Variants in WASHC5 observed in about 807,000 individuals in gnomAD.
WASHC5 encodes WASH complex subunit strumpellin.
In WASHC5, 101 loss-of-function variants were observed where a neutral mutation model predicts 150.4. The observed-to-expected ratio is 0.67, with a 90% CI of 0.57 to 0.79. The LOEUF is 0.79. WASHC5 is among the 30% of genes least tolerant of loss of function. The pLI is 0.00. For missense variants in WASHC5, 1,195 were observed against 1,396.3 expected, an observed-to-expected ratio of 0.86 and a Z score of 2.30; for synonymous variants, 467 against 491.2, an observed-to-expected ratio of 0.95 and a Z score of 0.65.
intron 16 of WASHC5, among the ~76,000 whole-genome samples, 156 bp from the exon 17 acceptor site, chr8:125,055,827 A>G (rs1359321059): frequency 1.3e-5 from 2 of 152,222 alleles, no homozygotes; most frequent in African/African-American, 2.4e-5. Context: ...CCACTGTTAG[A>G]CATATTGGGT....
At chr8:125,050,967 C>G (rs1018637178) in intron 17 of WASHC5, among the ~76,000 whole-genome samples, 3 of 152,180 alleles carry the variant, frequency 2.0e-5, no homozygotes, top group African/African-American at 7.2e-5. Flanking sequence ...AATTAATGGC[C>G]CCTCTTTTTG....
chr8:125,043,045 A>G (rs1419595716), intron 23 of WASHC5, among the ~76,000 whole-genome samples: 1 of 152,206 alleles, frequency 6.6e-6, no homozygotes, highest in Non-Finnish European at 1.5e-5. Flanking sequence ...ATTTTTGACC[A>G]CAAACCAGTT....
In WASHC5 at chr8:125,026,021, TG is replaced by T. The variant is rs1247879101; in HGVS notation, c.3424-1349del. 2.0e-5 allele frequency among the ~76,000 whole-genome samples: 3 copies of T among 152,308 alleles called. No individual in the cohort carries two copies. The East Asian group carries it at 5.8e-4, about 29-fold the overall frequency. ...GGGATCAGGGTAAGTATATTACAAATGTTTTTTTAAAATAGATAAAGCTAAA... is the reference window on the plus strand; with the variant it reads ...GGGATCAGGGTAAGTATATTACAAATTTTTTTTAAAATAGATAAAGCTAAA... On this transcript the variant is annotated intron_variant, in intron 28 of 28. Coordinates refer to ENST00000318410, the MANE Select transcript of WASHC5 (RefSeq NM_014846.4).
intron 9 of WASHC5, among the ~76,000 whole-genome samples, chr8:125,068,205 G>A (rs1288054698): frequency 6.6e-6 from 1 of 152,182 alleles, no homozygotes; most frequent in Non-Finnish European, 1.5e-5. Context: ...TGAATTTCAC[G>A]AAGAGCTGCC....
At chr8:125,067,520 T>A in intron 10 of WASHC5, 72 bp downstream of exon 10, 1 of 1,292,446 alleles carries the variant, frequency 7.7e-7, no homozygotes, top group South Asian at 1.2e-5. Flanking sequence ...GCAATCCTAG[T>A]CTTTTTTTTA....
intron 23 of WASHC5, among the ~76,000 whole-genome samples, chr8:125,042,524 C>CA (rs1451329588): frequency 2.6e-5 from 4 of 152,168 alleles, no homozygotes; most frequent in Middle Eastern, 3.2e-3. Context: ...CGGTCACAGT[C>CA]ACGTGGCTGT....
In WASHC5 at chr8:125,037,296, A is replaced by G. The variant is rs1815741317; in HGVS notation, c.3122T>C (p.Ile1041Thr). 1 of 1,612,460 alleles carries G rather than the reference A, an allele frequency of 6.2e-7. No individual in the cohort carries two copies. The highest frequency in any genetic ancestry group is 8.5e-7 in the Non-Finnish European group (1 of 1,178,590). The change falls in exon 26 of 29, where the codon ATT becomes ACT. Residue 1041 changes from isoleucine (I) to threonine (T), a missense_variant. This residue lies in a region of WASHC5 where 997 missense variants were observed against 1,168.1 expected (regional missense o/e 0.85). Transcript: ENST00000318410. ...AGCGATCAAAAATAGAAAGTTTACA[A>G]TTGGAAAATAGGGTAAGCGCTTTGT... ...ITTKRLPYFP[I>T]VNFLFLIAQL...
chr8:125,065,049 C>T (rs1816706891), intron 10 of WASHC5, among the ~76,000 whole-genome samples: 1 of 152,174 alleles, frequency 6.6e-6, no homozygotes, highest in Non-Finnish European at 1.5e-5. Context: ...GACTACATGG[C>T]GTCAAGCCCT....
Position 125,055,608 on chromosome 8 carries a change from A to C in WASHC5, c.2080T>G (p.Leu694Val). 1 of 1,611,102 alleles carries C rather than the reference A, an allele frequency of 6.2e-7. No individual in the cohort carries two copies. Among genetic ancestry groups the C allele is most frequent in the South Asian group, 1.1e-5 (1 of 91,026 alleles). ...ACTGTTACCTTGATGATGCCAACCA[A>C]AGTCGTTTTCATCATTAAGATGCCT... ...TEGILMMKTT[L>V]VGIIKVDPKQ... Residue 694 changes from leucine (L) to valine (V), a missense_variant, in exon 17 of 29, where the codon TTG becomes GTG. Leu to Val is a conservative substitution (Grantham distance 32). This residue lies in a region of WASHC5 where 997 missense variants were observed against 1,168.1 expected (regional missense o/e 0.85). Coordinates refer to ENST00000318410, the MANE Select transcript of WASHC5 (RefSeq NM_014846.4).
At chr8:125,032,097 A>T in intron 27 of WASHC5, 144 bp downstream of exon 27, 2 of 910,996 alleles carry the variant, frequency 2.2e-6, no homozygotes, top group Non-Finnish European at 3.6e-6. Flanking sequence ...CTAAACAAGG[A>T]GGTATGCCCT....
At chr8:125,044,939 T>G (rs1816017457) in intron 20 of WASHC5, 1 of 528,362 alleles carries the variant, frequency 1.9e-6, no homozygotes, top group East Asian at 3.5e-5. Flanking sequence ...TTTCAGTCAT[T>G]TATTTCCATT....
At chr8:125,057,197 A>G (rs1040009361) in intron 15 of WASHC5, among the ~76,000 whole-genome samples, 3 of 152,234 alleles carry the variant, frequency 2.0e-5, no homozygotes, top group Non-Finnish European at 2.9e-5. Flanking sequence ...CAAAATTCCC[A>G]TGAAAACCTG....
At chr8:125,051,634 T>A (rs763620119) in intron 17 of WASHC5, among the ~76,000 whole-genome samples, 4 of 152,222 alleles carry the variant, frequency 2.6e-5, no homozygotes, top group Non-Finnish European at 5.9e-5. Context: ...ACGCCTGTAA[T>A]CCCAGCTCTT....
chr8:125,047,736 AT>A (rs996126128), intron 19 of WASHC5, among the ~76,000 whole-genome samples: 2 of 151,982 alleles, frequency 1.3e-5, no homozygotes, highest in African/African-American at 4.8e-5. Context: ...GGTCTGGCTA[AT>A]TTTTGTGTTT....
chr8:125,083,805 G>T lies in WASHC5; in HGVS notation c.94C>A (p.Leu32Ile). 1 of 1,613,684 alleles carries T rather than the reference G, an allele frequency of 6.2e-7. No homozygotes were observed. The highest frequency in any genetic ancestry group is 1.3e-5 in the African/African-American group (1 of 75,026). The change falls in exon 2 of 29, where the codon CTC (leucine) becomes ATC (isoleucine). Residue 32 changes from leucine to isoleucine, a missense_variant. Leu to Ile is a conservative substitution (Grantham distance 5). Coordinates refer to ENST00000318410, the MANE Select transcript of WASHC5 (RefSeq NM_014846.4). The part of the protein sequence containing the change: ...GNAIIAELLR[L>I]SEFIPAVFRL... ...AACACAGCAGGAATAAACTCAGAGA[G>T]TCTCAAAAGTTCAGCAATGATGGCA...
intron 27 of WASHC5, among the ~76,000 whole-genome samples, 186 bp from the exon 28 acceptor site, chr8:125,028,893 C>T (rs914693462): frequency 1.3e-5 from 2 of 152,214 alleles, no homozygotes; most frequent in African/African-American, 4.8e-5. Context: ...GAGCCCACCC[C>T]ATAGGGTAAA....
intron 17 of WASHC5, among the ~76,000 whole-genome samples, chr8:125,053,888 T>C (rs1816324070): frequency 6.6e-6 from 1 of 152,186 alleles, no homozygotes; most frequent in African/African-American, 2.4e-5. Context: ...AAGTGGATAA[T>C]ATCAAGTATT....
chr8:125,046,554 G>A (rs186153720), intron 20 of WASHC5, among the ~76,000 whole-genome samples: 21 of 152,222 alleles, frequency 1.4e-4, no homozygotes, highest in Non-Finnish European at 1.6e-4. Flanking sequence ...TTCTGGGTCC[G>A]TCATTTATTA....
chr8:125,082,473 A>T lies in WASHC5; in HGVS notation c.333-6T>A. The T allele has an allele frequency of 7.0e-7, 1 of 1,432,956 alleles. No homozygotes were observed. The highest frequency in any genetic ancestry group is 1.2e-5 in the South Asian group (1 of 86,650). 88.8% of individuals were successfully genotyped at this position (1,432,956 alleles called of 1,614,324 possible). A position where few individuals can be genotyped will look rare whatever the true frequency, so the allele number is the denominator to read the frequency against. On this transcript the variant is annotated splice_region_variant and splice_polypyrimidine_tract_variant and intron_variant, in intron 3 of 28. Coordinates refer to ENST00000318410, the MANE Select transcript of WASHC5 (RefSeq NM_014846.4). ...CATTGAGATCATCTAGATATCTAGA[A>T]ATAAAACCACAGTGCAAGTTATTAA... is the stretch of plus-strand genomic sequence containing the variant.
Sources: allele counts gnomAD v4.1 joint callset (sites outside exome capture counted in the v4.1 genomes callset), GRCh38; gene constraint gnomAD v4.1.1; regional missense constraint gnomAD v4.1.1; transcripts MANE v1.5; gene names NCBI Gene and HGNC (gene_info 2026-07-23, HGNC 2026-07-21).